Variants in ROR1 observed in about 807,000 individuals in gnomAD.
ROR1 encodes the protein inactive tyrosine-protein kinase transmembrane receptor ROR1.
ROR1 carries 19 observed loss-of-function variants against 78.8 expected under a neutral mutation model. That is an observed-to-expected ratio of 0.24 (90% CI 0.17 to 0.35). ROR1 has a LOEUF of 0.35. Among genes scored for constraint, ROR1 ranks in the 10% least tolerant of loss-of-function variants. The pLI, the probability that ROR1 is intolerant of heterozygous loss-of-function variation, is 1.00. For missense variants in ROR1, 917 were observed against 1,177.8 expected (o/e 0.78, Z 3.24); for synonymous variants, 386 against 433.6 (o/e 0.89, Z 1.36).
chr1:63,858,311 T>C (rs1440507660), intron 1 of ROR1, among the ~76,000 whole-genome samples: 2 of 152,224 alleles, frequency 1.3e-5, no homozygotes, highest in East Asian at 3.8e-4. Context: ...GACATCTCCA[T>C]CCTTCCCTAT....
At chr1:63,974,801 G>A (rs1646145662) in intron 1 of ROR1, among the ~76,000 whole-genome samples, 1 of 151,870 alleles carries the variant, frequency 6.6e-6, no homozygotes, top group Non-Finnish European at 1.5e-5. Context: ...CATCACCACC[G>A]GCTACCAACT....
intron 2 of ROR1, among the ~76,000 whole-genome samples, chr1:64,025,490 A>G (rs1372540646): frequency 1.3e-5 from 2 of 152,226 alleles, no homozygotes; most frequent in Non-Finnish European, 2.9e-5. Flanking sequence ...GGATACTTAC[A>G]CACACATATT....
intron 1 of ROR1, among the ~76,000 whole-genome samples, chr1:63,833,845 G>GT (rs923836138): frequency 9.9e-5 from 15 of 151,376 alleles, no homozygotes; most frequent in South Asian, 8.4e-4. Context: ...TTACGCACTG[G>GT]TTTTTTTTCT....
At chr1:64,015,549 A>T (rs1646513947) in intron 2 of ROR1, among the ~76,000 whole-genome samples, 1 of 152,122 alleles carries the variant, frequency 6.6e-6, no homozygotes, top group African/African-American at 2.4e-5. Context: ...AATGGTATTG[A>T]CTGGCCTATA....
intron 1 of ROR1, among the ~76,000 whole-genome samples, chr1:63,985,804 T>C (rs1646246084): frequency 1.3e-5 from 2 of 151,902 alleles, no homozygotes; most frequent in Non-Finnish European, 2.9e-5. Context: ...AAAAAATAAA[T>C]TTTGTGTTTA....
chr1:63,963,734 G>T (rs1646052121), intron 1 of ROR1, among the ~76,000 whole-genome samples: 1 of 152,042 alleles, frequency 6.6e-6, no homozygotes, highest in Non-Finnish European at 1.5e-5. Context: ...TCACCAAGAA[G>T]ATCCAAGTAG....
chr1:63,835,077 C>T (rs1360675127), intron 1 of ROR1, among the ~76,000 whole-genome samples: 3 of 152,038 alleles, frequency 2.0e-5, no homozygotes, highest in Non-Finnish European at 4.4e-5. Flanking sequence ...ATAAGGTGGT[C>T]CCATCTATTT....
At chr1:63,805,538 G>C (rs1644823383) in intron 1 of ROR1, among the ~76,000 whole-genome samples, 1 of 152,240 alleles carries the variant, frequency 6.6e-6, no homozygotes, top group Non-Finnish European at 1.5e-5. Flanking sequence ...AAACTAGCCA[G>C]AGTGTAAGAG....
chr1:63,989,738 A>G (rs887800433), intron 1 of ROR1, among the ~76,000 whole-genome samples: 1 of 151,894 alleles, frequency 6.6e-6, no homozygotes, highest in African/African-American at 2.4e-5. Context: ...CATCATGTAT[A>G]TCAGTCAATT....
intron 4 of ROR1, among the ~76,000 whole-genome samples, chr1:64,134,951 G>A (rs1266307970): frequency 6.6e-6 from 1 of 152,006 alleles, no homozygotes; most frequent in Admixed American, 6.6e-5. Flanking sequence ...GTTTCACCAT[G>A]TTGACTAGGC....
intron 4 of ROR1, among the ~76,000 whole-genome samples, chr1:64,092,830 G>C (rs913301021): frequency 1.3e-5 from 2 of 152,176 alleles, no homozygotes; most frequent in Admixed American, 1.3e-4. Context: ...CTTATCAAGA[G>C]AATAATCTGC....
intron 1 of ROR1, among the ~76,000 whole-genome samples, chr1:63,805,566 G>A (rs1286561517): frequency 6.6e-6 from 1 of 152,198 alleles, no homozygotes; most frequent in Non-Finnish European, 1.5e-5. Context: ...AGGGGAAGAT[G>A]CAGAACTCTG....
intron 7 of ROR1, among the ~76,000 whole-genome samples, chr1:64,146,348 C>G (rs1219046183): frequency 6.6e-6 from 1 of 152,168 alleles, no homozygotes; most frequent in East Asian, 1.9e-4. Flanking sequence ...TGGTGGCATG[C>G]ACCTGTAATC....
chr1:63,908,629 G>A (rs1045438579), intron 1 of ROR1, among the ~76,000 whole-genome samples: 2 of 152,184 alleles, frequency 1.3e-5, no homozygotes, highest in African/African-American at 2.4e-5. Flanking sequence ...AAACATGGTG[G>A]ATTGCCCACA....
At chr1:63,842,549 A>G (rs535652797) in intron 1 of ROR1, among the ~76,000 whole-genome samples, 13 of 152,200 alleles carry the variant, frequency 8.5e-5, no homozygotes, top group Non-Finnish European at 1.6e-4. Context: ...TGCTCTCCAC[A>G]TAAACATCTT....
At position 63,774,410 on chromosome 1, in the gene ROR1, G is replaced by A; in HGVS notation, c.-8G>A. 1 of 1,244,286 alleles carries A rather than the reference G, an allele frequency of 8.0e-7. No individual in the cohort carries two copies. The highest frequency in any genetic ancestry group is 1.0e-6 in the Non-Finnish European group (1 of 991,798). 77.1% of individuals were successfully genotyped at this position (1,244,286 alleles called of 1,614,324 possible). A position where few individuals can be genotyped will look rare whatever the true frequency, so the allele number is the denominator to read the frequency against. On this transcript the variant is annotated 5_prime_UTR_variant, in exon 1 of 9. Transcript: ENST00000371079. This position sits in a 1 kb window ranked among gnomAD's most constrained non-coding sequence, Gnocchi z 5.7. ...GCCGCCGCCGCCGCCGCCTCAGCGA[G>A]AGGAGGAATGCACCGGCCGCGCCGC...
chr1:63,930,713 A>G (rs1463278722), intron 1 of ROR1, among the ~76,000 whole-genome samples: 1 of 152,216 alleles, frequency 6.6e-6, no homozygotes, highest in Non-Finnish European at 1.5e-5. Context: ...CTAATGCCCC[A>G]TATTAACTGA....
chr1:63,974,481 C>A (rs762296417), intron 1 of ROR1, among the ~76,000 whole-genome samples: 2 of 152,124 alleles, frequency 1.3e-5, no homozygotes, highest in Non-Finnish European at 2.9e-5. Context: ...AGTCCCCTGT[C>A]ACGCAGGCTG....
At chr1:64,072,768 C>A (rs115910124) in intron 4 of ROR1, among the ~76,000 whole-genome samples, 1,725 of 152,206 alleles carry the variant, frequency 0.011, 36 homozygotes, top group African/African-American at 0.039. Context: ...CCTGACCCAG[C>A]TTCCAACTAG....
Sources: gnomAD v4.1 joint callset for allele counts (sites outside exome capture counted in the v4.1 genomes callset) on GRCh38, gnomAD v4.1.1 for gene constraint, Gnocchi (gnomAD v3.1) non-coding constraint, MANE v1.5 for transcripts, NCBI Gene and HGNC (gene_info 2026-07-23, HGNC 2026-07-21) for gene names.